RB1CC1: variants seen among roughly 807,000 people sequenced by gnomAD.
RB1CC1 encodes the protein RB1-inducible coiled-coil protein 1.
RB1CC1 carries 46 observed loss-of-function variants against 177.5 expected under a neutral mutation model. The observed-to-expected ratio is 0.26, with a 90% CI of 0.20 to 0.33. The LOEUF is 0.33. Among genes scored for constraint, RB1CC1 ranks in the 10% least tolerant of loss-of-function variants. RB1CC1 has a pLI of 1.00. For missense variants in RB1CC1, 1,703 were observed against 1,816.3 expected (o/e 0.94, Z 1.13); for synonymous variants, 666 against 613.6 (o/e 1.09, Z -1.26).
In RB1CC1 at chr8:52,685,475, T is replaced by C. The variant is rs1459969534; in HGVS notation, c.-6A>G. 1.9e-6 allele frequency: 3 copies of C among 1,560,016 alleles called. No homozygotes were observed. In the South Asian group the frequency reaches 3.4e-5, roughly 18 times the overall value. On this transcript the variant is annotated 5_prime_UTR_variant, in exon 3 of 24. Coordinates refer to ENST00000025008, the MANE Select transcript of RB1CC1 (RefSeq NM_014781.5). ...AGAAATACATATAACTTCATGATGATTTATCTGAATTCTGTGAGCTTATAC... is the reference window on the plus strand; with the variant it reads ...AGAAATACATATAACTTCATGATGACTTATCTGAATTCTGTGAGCTTATAC...
chr8:52,661,346 G>A (rs755737245), intron 9 of RB1CC1, 65 bp from the exon 10 acceptor site: 2 of 1,568,764 alleles, frequency 1.3e-6, no homozygotes, highest in East Asian at 2.3e-5. Flanking sequence ...TACTTACTTA[G>A]TAAGCTTACT....
chr8:52,662,254 T>C (rs1851698538), intron 8 of RB1CC1, among the ~76,000 whole-genome samples: 2 of 152,132 alleles, frequency 1.3e-5, no homozygotes. Flanking sequence ...AATGACTGAA[T>C]TGTGTGATTT....
At chr8:52,676,178 A>G (rs575573102) in intron 6 of RB1CC1, among the ~76,000 whole-genome samples, 191 bp downstream of exon 6, 4 of 152,350 alleles carry the variant, frequency 2.6e-5, no homozygotes, top group Admixed American at 2.0e-4. Flanking sequence ...AGACTCATAC[A>G]TGTAAAGAGA....
intron 1 of RB1CC1, among the ~76,000 whole-genome samples, chr8:52,708,922 C>T (rs1195536363): frequency 6.6e-6 from 1 of 152,142 alleles, no homozygotes; most frequent in Non-Finnish European, 1.5e-5. Flanking sequence ...ATCATCTTTT[C>T]TCTCTGAAGC....
At chr8:52,646,211 C>T (rs917804955) in intron 15 of RB1CC1, among the ~76,000 whole-genome samples, 2 of 152,104 alleles carry the variant, frequency 1.3e-5, no homozygotes, top group Admixed American at 1.3e-4. Flanking sequence ...ACCTGTAATC[C>T]TAGCACTTTG....
At position 52,702,107 on chromosome 8, in the gene RB1CC1, C is replaced by CA. The variant is rs1415198735; in HGVS notation, c.-167+11967dup. On this transcript the variant is annotated intron_variant, in intron 1 of 23. Transcript: ENST00000025008. ...ACAGGCGTGAGCCACCTTGCACAGC[C>CA]AAAACTATCTATTTCTATCTTTAGC... 2.0e-5 allele frequency among the ~76,000 whole-genome samples: 3 copies of CA among 152,128 alleles called. No individual in the cohort carries two copies. The East Asian group carries it at 5.8e-4, about 29-fold the overall frequency.
chr8:52,682,683 T>C (rs929358295), intron 5 of RB1CC1, among the ~76,000 whole-genome samples: 5 of 152,172 alleles, frequency 3.3e-5, no homozygotes, highest in Admixed American at 2.0e-4. Flanking sequence ...AAATGTAGTA[T>C]GTACACTTTT....
At chr8:52,639,990 T>C (rs1849435492) in intron 18 of RB1CC1, among the ~76,000 whole-genome samples, 1 of 152,182 alleles carries the variant, frequency 6.6e-6, no homozygotes, top group Admixed American at 6.5e-5. Flanking sequence ...ATTTGTACCT[T>C]CTATTTATCC....
chr8:52,654,318 T>C (rs910903080), intron 15 of RB1CC1, among the ~76,000 whole-genome samples: 31 of 152,200 alleles, frequency 2.0e-4, no homozygotes, highest in Non-Finnish European at 4.4e-4. Flanking sequence ...AGATCCAACA[T>C]TTCCCAAAAT....
At chr8:52,667,938 C>A in intron 8 of RB1CC1, 83 bp downstream of exon 8, 1 of 1,316,484 alleles carries the variant, frequency 7.6e-7, no homozygotes, top group Non-Finnish European at 1.0e-6. Flanking sequence ...AAATATGGTG[C>A]ACACCAAATT....
intron 1 of RB1CC1, among the ~76,000 whole-genome samples, chr8:52,701,984 T>A (rs1210739925): frequency 6.6e-6 from 1 of 151,890 alleles, no homozygotes; most frequent in Non-Finnish European, 1.5e-5. Flanking sequence ...ATTTTTGTAT[T>A]TTTAGTAGAG....
At chr8:52,708,931 G>A (rs554144238) in intron 1 of RB1CC1, among the ~76,000 whole-genome samples, 8 of 152,286 alleles carry the variant, frequency 5.3e-5, no homozygotes, top group African/African-American at 1.9e-4. Flanking sequence ...TCTCTCTGAA[G>A]CTTTTAGTCC....
intron 3 of RB1CC1, among the ~76,000 whole-genome samples, chr8:52,684,733 A>G (rs1318968651): frequency 6.6e-6 from 1 of 152,162 alleles, no homozygotes; most frequent in Non-Finnish European, 1.5e-5. Flanking sequence ...AGTGATATAC[A>G]TTGTTTTATG....
At position 52,624,921 on chromosome 8, in the gene RB1CC1, G is replaced by A. The variant is rs112823807; in HGVS notation, c.4637-134C>T. The A allele has an allele frequency of 1.6e-4, 93 of 592,008 alleles. 1 individual carries two copies. The highest frequency in any genetic ancestry group is 9.4e-4 in the South Asian group (36 of 38,312). 36.7% of individuals were successfully genotyped at this position (592,008 alleles called of 1,614,324 possible). A position where few individuals can be genotyped will look rare whatever the true frequency, so the allele number is the denominator to read the frequency against. ...AATATGTAAGACTTTAAAAACTACC[G>A]AAATCACTGAAATGCTTAACAATTT... On this transcript the variant is annotated intron_variant, in intron 22 of 23. Transcript: ENST00000025008.
chr8:52,703,584 T>G (rs952198291), intron 1 of RB1CC1, among the ~76,000 whole-genome samples: 12 of 152,212 alleles, frequency 7.9e-5, no homozygotes, highest in Non-Finnish European at 1.8e-4. Flanking sequence ...ACAAATATTC[T>G]GTCGTAAAGT....
intron 1 of RB1CC1, among the ~76,000 whole-genome samples, chr8:52,692,888 CAA>C (rs1233384554): frequency 3.9e-5 from 6 of 152,258 alleles, no homozygotes; most frequent in African/African-American, 1.4e-4. Flanking sequence ...CAACAGAAAG[CAA>C]AGTCATCATC....
At chr8:52,635,007 A>T in intron 19 of RB1CC1, 39 bp from the exon 20 acceptor site, 1 of 1,537,908 alleles carries the variant, frequency 6.5e-7, no homozygotes, top group East Asian at 2.3e-5. Flanking sequence ...TTATCCTTGT[A>T]CCTACTCAAA....
chr8:52,695,634 T>C (rs1855329914), intron 1 of RB1CC1, among the ~76,000 whole-genome samples: 1 of 152,120 alleles, frequency 6.6e-6, no homozygotes, highest in African/African-American at 2.4e-5. Context: ...CACCAAAGAC[T>C]CAGGTGAGCT....
chr8:52,689,199 C>T (rs1157236526), intron 1 of RB1CC1, among the ~76,000 whole-genome samples: 8 of 152,178 alleles, frequency 5.3e-5, no homozygotes, highest in Admixed American at 5.2e-4. Flanking sequence ...AATCTCCTTG[C>T]TTTAATTTTT....
Sources: gnomAD v4.1 joint callset for allele counts (sites outside exome capture counted in the v4.1 genomes callset) on GRCh38, gnomAD v4.1.1 for gene constraint, MANE v1.5 for transcripts, NCBI Gene and HGNC (gene_info 2026-07-23, HGNC 2026-07-21) for gene names.